The following NXF1 variants were observed in gnomAD, a reference collection of about 807,000 sequenced individuals.
NXF1 encodes the protein nuclear RNA export factor 1, also known as mRNA export factor TAP.
In NXF1, 43 loss-of-function variants were observed where a neutral mutation model predicts 92.4. The ratio of observed to expected loss-of-function variants is 0.47; its 90% confidence interval spans 0.36 to 0.60. NXF1 has a LOEUF of 0.60. Among genes scored for constraint, NXF1 ranks in the 20% least tolerant of loss-of-function variants. The pLI, the probability that NXF1 is intolerant of heterozygous loss-of-function variation, is 0.00. For synonymous variants in NXF1, 288 were observed against 292.2 expected (o/e 0.99, Z 0.15); for missense variants, 576 against 793.0 (o/e 0.73, Z 3.29).
At chr11:62,804,010 G>A in intron 1 of NXF1, 32 bp from the exon 2 acceptor site, 1 of 1,606,638 alleles carries the variant, frequency 6.2e-7, no homozygotes, top group Non-Finnish European at 8.5e-7. Context: ...CAAATTAGAA[G>A]TAAGTAACTG....
At chr11:62,796,610 C>T (rs776371107) in intron 13 of NXF1, 43 bp from the exon 14 acceptor site, 4 of 1,370,870 alleles carry the variant, frequency 2.9e-6, no homozygotes, top group Admixed American at 1.7e-5. Flanking sequence ...CTGTGGTCTA[C>T]AGCCATACAA....
At chr11:62,792,600 A>T in intron 20 of NXF1, 41 bp downstream of exon 20, 1 of 1,613,390 alleles carries the variant, frequency 6.2e-7, no homozygotes, top group Non-Finnish European at 8.5e-7. Context: ...CTGGAGGCCC[A>T]GAGATCCTAG....
chr11:62,800,123 T>C (rs1489963202), intron 10 of NXF1: 4 of 1,340,098 alleles, frequency 3.0e-6, no homozygotes, highest in Non-Finnish European at 3.8e-6. Flanking sequence ...CTAGAAAAGG[T>C]TGTGTTCAGG....
chr11:62,793,784 C>T, intron 19 of NXF1, among the ~76,000 whole-genome samples: 1 of 140,568 alleles, frequency 7.1e-6, no homozygotes, highest in South Asian at 2.2e-4. Flanking sequence ...GAGTTCGAGA[C>T]CAGCCTGGCC....
intron 18 of NXF1, chr11:62,794,715 G>A (rs2084403169): frequency 1.7e-6 from 1 of 590,490 alleles, no homozygotes. Flanking sequence ...TTTCAGATGA[G>A]GCAGCAGCCT....
chr11:62,798,871 C>A (rs933414917), intron 10 of NXF1: 2 of 1,227,874 alleles, frequency 1.6e-6, no homozygotes, highest in Non-Finnish European at 2.0e-6. Flanking sequence ...CCCTGCCCCC[C>A]TTACCTTCCA....
At position 62,794,638 on chromosome 11, in the gene NXF1, G is replaced by A. The variant is rs141213729; in HGVS notation, c.1578-198C>T. On this transcript the variant is annotated intron_variant, in intron 18 of 20. Coordinates refer to ENST00000294172, the MANE Select transcript of NXF1 (RefSeq NM_006362.5). The stretch of plus-strand genomic sequence containing the variant: ...CTAAACACACTAGGGTTCTCCCAAC[G>A]CATGGACTTTAGCTCTTTTAATTCA... 3.5e-3 allele frequency: 2,081 copies of A among 592,934 alleles called. 26 individuals are homozygous for A. Among genetic ancestry groups the A allele is most frequent in the African/African-American group, 0.029 (1,578 of 53,982 alleles). 36.7% of individuals were successfully genotyped at this position (592,934 alleles called of 1,614,324 possible).
chr11:62,799,929 C>T (rs1210122317), intron 10 of NXF1: 1 of 990,488 alleles, frequency 1.0e-6, no homozygotes, highest in Non-Finnish European at 1.2e-6. Flanking sequence ...CAAGAGGGGC[C>T]ATCACAGTAC....
At chr11:62,800,333 G>C in intron 10 of NXF1, 44 bp downstream of exon 10, 7 of 1,613,458 alleles carry the variant, frequency 4.3e-6, no homozygotes, top group Non-Finnish European at 5.9e-6. Context: ...CAGCCTCCCA[G>C]GGGGTGAAGG....
In NXF1 at chr11:62,792,142, CTT is replaced by C; in HGVS notation, c.*332_*333del. The C allele has an allele frequency of 2.9e-6, 2 of 689,078 alleles. No homozygotes were observed. The highest frequency in any genetic ancestry group is 4.8e-6 in the Non-Finnish European group (2 of 419,044). 42.7% of individuals were successfully genotyped at this position (689,078 alleles called of 1,614,324 possible). ...GCAGAACACGAAATACAACATCACT[CTT>C]TATATTAAAAAGTGCAGAACACGAA... is the stretch of plus-strand genomic sequence containing the variant. On this transcript the variant is annotated 3_prime_UTR_variant, in exon 21 of 21. Coordinates refer to ENST00000294172, the MANE Select transcript of NXF1 (RefSeq NM_006362.5).
At chr11:62,794,562 CT>C in intron 18 of NXF1, 122 bp from the exon 19 acceptor site, 1 of 846,256 alleles carries the variant, frequency 1.2e-6, no homozygotes, top group East Asian at 2.6e-5. Flanking sequence ...CTATTGTTAC[CT>C]TTTATCATTT....
chr11:62,792,742 C>G (rs374487764), intron 19 of NXF1, 41 bp from the exon 20 acceptor site: 33 of 1,603,702 alleles, frequency 2.1e-5, no homozygotes, highest in Non-Finnish European at 2.2e-5. Flanking sequence ...AACTCTGACT[C>G]GTAAATGCCA....
intron 18 of NXF1, 159 bp from the exon 19 acceptor site, chr11:62,794,599 G>A: frequency 1.5e-6 from 1 of 678,846 alleles, no homozygotes; most frequent in Non-Finnish European, 2.5e-6. Context: ...ATCAATGTTT[G>A]GAAGGATTAT....
chr11:62,798,862 C>G, intron 10 of NXF1: 1 of 1,239,156 alleles, frequency 8.1e-7, no homozygotes. Flanking sequence ...CTTTCCCCTC[C>G]CTGCCCCCCT....
At chr11:62,796,753 G>A (rs547094061) in intron 13 of NXF1, among the ~76,000 whole-genome samples, 186 bp from the exon 14 acceptor site, 5 of 152,052 alleles carry the variant, frequency 3.3e-5, no homozygotes, top group South Asian at 2.1e-4. Flanking sequence ...GCAACATGGC[G>A]AAACCCTGTC....
rs760141073 is a variant in NXF1, at chr11:62,796,195, AG to A, written c.1346-15del. 1 of 1,613,776 alleles carries A rather than the reference AG, an allele frequency of 6.2e-7. No homozygotes were observed. The highest frequency in any genetic ancestry group is 1.3e-5 in the African/African-American group (1 of 74,922). ...GGAACCGCAAGGCTGTGGGTAGAGG[AG>A]AAAGCTCAGTGGTGCTGCCACACAC... On this transcript the variant is annotated splice_polypyrimidine_tract_variant and intron_variant, in intron 15 of 20. Transcript: ENST00000294172.
intron 8 of NXF1, 49 bp downstream of exon 8, chr11:62,801,280 T>C (rs1362978522): frequency 6.2e-7 from 1 of 1,608,522 alleles, no homozygotes; most frequent in Non-Finnish European, 8.5e-7. Context: ...CCACTTCCTA[T>C]CTAACACACC....
chr11:62,802,036 T>A lies in NXF1; in HGVS notation c.464A>T (p.Glu155Val). The A allele has an allele frequency of 6.2e-7, 1 of 1,614,156 alleles. No individual in the cohort carries two copies. The highest frequency in any genetic ancestry group is 1.3e-5 in the African/African-American group (1 of 75,058). Residue 155 changes from glutamate to valine, a missense_variant, in exon 5 of 21, where the codon GAG becomes GTG. Coordinates refer to ENST00000294172, the MANE Select transcript of NXF1 (RefSeq NM_006362.5). ...VPFTPIEFHYENTRAQFFVED... is the reference protein window; with the variant it reads ...VPFTPIEFHYVNTRAQFFVED... ...AACGAAGAACTGGGCCCGTGTATTC[T>A]CATAGTGAAACTACAAGAGGAAACA...
At chr11:62,805,076 A>G in intron 1 of NXF1, 1 of 360,944 alleles carries the variant, frequency 2.8e-6, no homozygotes, top group South Asian at 1.2e-4. Context: ...ACCACCCACA[A>G]AGTTCAAAGG....
Sources: allele counts gnomAD v4.1 joint callset (sites outside exome capture counted in the v4.1 genomes callset), GRCh38; gene constraint gnomAD v4.1.1; transcripts MANE v1.5; gene names NCBI Gene and HGNC (gene_info 2026-07-23, HGNC 2026-07-21).